TENM4: variants seen among roughly 807,000 people sequenced by gnomAD.
TENM4 encodes the protein teneurin transmembrane protein 4.
Under a neutral mutation model 243.3 loss-of-function variants are expected in TENM4, and 82 were observed. The ratio of observed to expected loss-of-function variants is 0.34; its 90% CI spans 0.28 to 0.40. The LOEUF is 0.40. TENM4 is among the 10% of genes least tolerant of loss of function. TENM4 has a pLI of 1.00. For synonymous variants in TENM4, 1,412 were observed against 1,456.3 expected, an observed-to-expected ratio of 0.97 and a Z score of 0.69; for missense variants, 3,138 against 3,673.3, an observed-to-expected ratio of 0.85 and a Z score of 3.77.
intron 7 of TENM4, among the ~76,000 whole-genome samples, chr11:78,901,044 C>T (rs545777780): frequency 2.8e-4 from 43 of 152,134 alleles, no homozygotes; most frequent in African/African-American, 8.7e-4. Context: ...GGATAGACCA[C>T]GAAGTGAGAA....
At chr11:78,791,678 A>G (rs1196586013) in intron 15 of TENM4, among the ~76,000 whole-genome samples, 2 of 152,228 alleles carry the variant, frequency 1.3e-5, no homozygotes, top group Non-Finnish European at 2.9e-5. Context: ...TCAATTTAGC[A>G]TGAACAAAAG....
At chr11:79,047,282 C>T (rs976304827) in intron 6 of TENM4, among the ~76,000 whole-genome samples, 27 of 152,182 alleles carry the variant, frequency 1.8e-4, no homozygotes, top group Admixed American at 3.9e-4. Flanking sequence ...CGAGGTCACC[C>T]ATCAGATCTA....
intron 6 of TENM4, among the ~76,000 whole-genome samples, chr11:79,040,343 C>T (rs1218783878): frequency 3.3e-5 from 5 of 152,148 alleles, no homozygotes; most frequent in African/African-American, 1.2e-4. Flanking sequence ...ACCACTATTC[C>T]CCTCTCCTTC....
chr11:79,324,248 G>A (rs1264176712), intron 1 of TENM4, among the ~76,000 whole-genome samples: 1 of 151,648 alleles, frequency 6.6e-6, no homozygotes, highest in Non-Finnish European at 1.5e-5. Context: ...TAGAGACAGG[G>A]TCTCACTCTG....
intron 3 of TENM4, among the ~76,000 whole-genome samples, chr11:79,164,018 ATAGTAT>A (rs1182154158): frequency 1.5e-5 from 1 of 68,156 alleles, no homozygotes; most frequent in Admixed American, 1.6e-4. Context: ...TAGTATATAT[ATAGTAT>A]GTATATAGTA....
intron 1 of TENM4, among the ~76,000 whole-genome samples, chr11:79,345,180 T>C (rs1565308608): frequency 6.6e-6 from 1 of 152,228 alleles, no homozygotes; most frequent in South Asian, 2.1e-4. Flanking sequence ...CTCAATTCTA[T>C]TCTCTGAACC....
At chr11:78,947,949 T>G (rs1415724334) in intron 6 of TENM4, among the ~76,000 whole-genome samples, 1 of 152,144 alleles carries the variant, frequency 6.6e-6, no homozygotes, top group Non-Finnish European at 1.5e-5. Flanking sequence ...TGTAAAGCAT[T>G]GCTTGGTTGT....
intron 25 of TENM4, among the ~76,000 whole-genome samples, chr11:78,716,524 G>A (rs1272074377): frequency 1.3e-5 from 2 of 152,186 alleles, no homozygotes; most frequent in African/African-American, 2.4e-5. Context: ...AAGTTCTGCT[G>A]AATCAGCCTC....
chr11:79,355,457 TG>T (rs1857480164), intron 1 of TENM4, among the ~76,000 whole-genome samples: 1 of 152,108 alleles, frequency 6.6e-6, no homozygotes, highest in African/African-American at 2.4e-5. Context: ...TGCTTGAACC[TG>T]GGAAGCAGAG....
intron 1 of TENM4, among the ~76,000 whole-genome samples, chr11:79,384,883 A>G (rs576219): frequency 0.54 from 80,427 of 150,156 alleles, 21,532 homozygotes; most frequent in Non-Finnish European, 0.55. Flanking sequence ...CCGAGATGGC[A>G]CCACTGCACT....
At chr11:79,172,964 G>C (rs1863080508) in intron 3 of TENM4, among the ~76,000 whole-genome samples, 1 of 152,096 alleles carries the variant, frequency 6.6e-6, no homozygotes. Context: ...TTTCATACTT[G>C]TCCTTCTTAT....
intron 6 of TENM4, among the ~76,000 whole-genome samples, chr11:78,988,295 G>C (rs685747): frequency 0.85 from 130,075 of 152,208 alleles, 56,941 homozygotes; most frequent in Non-Finnish European, 0.95. Flanking sequence ...CTACCTTAGT[G>C]ACCAATGGTC....
chr11:79,432,976 T>C (rs950005757), intron 1 of TENM4, among the ~76,000 whole-genome samples: 9 of 152,200 alleles, frequency 5.9e-5, no homozygotes. Flanking sequence ...TTGCCTCATT[T>C]TCCATCTCCT....
chr11:79,191,317 C>CG (rs1011342168), intron 3 of TENM4, among the ~76,000 whole-genome samples: 10 of 141,656 alleles, frequency 7.1e-5, no homozygotes, highest in Admixed American at 7.0e-4. Flanking sequence ...TTGGTGGGGA[C>CG]GGGGTTTCGC....
intron 1 of TENM4, among the ~76,000 whole-genome samples, chr11:79,417,892 T>G (rs539067362): frequency 1.5e-4 from 23 of 152,278 alleles, no homozygotes; most frequent in African/African-American, 5.5e-4. Context: ...CAGAGCCCAG[T>G]AATAAGAAGT....
At chr11:78,763,316 G>A (rs983929835) in intron 18 of TENM4, among the ~76,000 whole-genome samples, 15 of 152,230 alleles carry the variant, frequency 9.9e-5, no homozygotes, top group Admixed American at 2.0e-4. Flanking sequence ...GCAGGCCCTG[G>A]ACGCTAGGGA....
At chr11:78,828,181 C>T (rs1857900137) in intron 12 of TENM4, among the ~76,000 whole-genome samples, 1 of 152,202 alleles carries the variant, frequency 6.6e-6, no homozygotes, top group Admixed American at 6.5e-5. Flanking sequence ...CTGCTTACTT[C>T]CTTGCTGATT....
At chr11:79,426,888 C>T (rs1425921254) in intron 1 of TENM4, among the ~76,000 whole-genome samples, 4 of 152,150 alleles carry the variant, frequency 2.6e-5, no homozygotes, top group Non-Finnish European at 4.4e-5. Flanking sequence ...GTATTGGTAC[C>T]TTTCATTCCC....
At chr11:78,838,405 A>G (rs1192310100) in intron 12 of TENM4, among the ~76,000 whole-genome samples, 1 of 152,164 alleles carries the variant, frequency 6.6e-6, no homozygotes, top group Non-Finnish European at 1.5e-5. Context: ...GAAATTTTAC[A>G]TATTTATGTA....
Sources: allele counts gnomAD v4.1 joint callset (sites outside exome capture counted in the v4.1 genomes callset), GRCh38; gene constraint gnomAD v4.1.1; transcripts MANE v1.5; gene names NCBI Gene and HGNC (gene_info 2026-07-23, HGNC 2026-07-21).